Variants in TENM1 observed in about 807,000 individuals in gnomAD.
TENM1 encodes the protein teneurin transmembrane protein 1, also known as teneurin-1.
Under a neutral mutation model 174.8 loss-of-function variants are expected in TENM1, and 35 were observed. The ratio of observed to expected loss-of-function variants is 0.20; its 90% CI spans 0.15 to 0.27. The LOEUF (loss-of-function observed/expected upper bound fraction) is 0.27, where lower values mean the gene tolerates loss of function less well. TENM1 is among the 10% of genes least tolerant of loss of function. The pLI, the probability that TENM1 is intolerant of heterozygous loss-of-function variation, is 1.00. For synonymous variants in TENM1, 781 were observed against 798.7 expected, an observed-to-expected ratio of 0.98 and a Z score of 0.37; for missense variants, 1,633 against 2,130.1, an observed-to-expected ratio of 0.77 and a Z score of 4.59.
At chrX:124,654,233 T>A (rs1270341693) in intron 6 of TENM1, among the ~76,000 whole-genome samples, 2 of 112,731 alleles carry the variant, frequency 1.8e-5, no homozygotes, top group Non-Finnish European at 3.7e-5. Flanking sequence ...CATCTCTAGC[T>A]ATCTCTATCC....
chrX:124,967,453 T>C (rs182065538), upstream of TENM1, among the ~76,000 whole-genome samples: 91 of 111,436 alleles, frequency 8.2e-4, no homozygotes, highest in African/African-American at 2.8e-3. Context: ...TCCAGCCACG[T>C]CTTTTCTTTT....
chrX:124,557,390 T>G (rs1029620344), intron 14 of TENM1, among the ~76,000 whole-genome samples: 7 of 107,167 alleles, frequency 6.5e-5, no homozygotes, highest in Admixed American at 2.0e-4. Flanking sequence ...AAATTTATTG[T>G]TTTTTTTTCC....
At chrX:125,065,809 A>C in the TENM1 span, among the ~76,000 whole-genome samples, 4 of 112,281 alleles carry the variant, frequency 3.6e-5, no homozygotes, top group African/African-American at 1.3e-4. Context: ...CTAAGATTTT[A>C]GTTGACTGTA....
At chrX:124,849,321 C>T (rs2056672710) in intron 3 of TENM1, among the ~76,000 whole-genome samples, 1 of 111,080 alleles carries the variant, frequency 9.0e-6, no homozygotes, top group Admixed American at 9.6e-5. Flanking sequence ...CAATAGAATA[C>T]AGCAAAGGTG....
At chrX:124,941,894 G>A (rs2058332383) in intron 1 of TENM1, among the ~76,000 whole-genome samples, 2 of 111,862 alleles carry the variant, frequency 1.8e-5, no homozygotes, top group Admixed American at 1.9e-4. Flanking sequence ...AAGGCAAAAG[G>A]CATGTCTTAC....
chrX:124,391,063 G>A (rs894336312), intron 28 of TENM1, among the ~76,000 whole-genome samples: 17 of 111,597 alleles, frequency 1.5e-4, no homozygotes, highest in African/African-American at 3.9e-4. Context: ...TAGTAACATG[G>A]TTTGATAATG....
intron 3 of TENM1, among the ~76,000 whole-genome samples, chrX:124,869,956 G>A (rs192019083): frequency 9.0e-6 from 1 of 111,141 alleles, no homozygotes; most frequent in Non-Finnish European, 1.9e-5. Flanking sequence ...AATTCTACAT[G>A]TTAAAATAGC....
intron 3 of TENM1, among the ~76,000 whole-genome samples, chrX:124,887,742 G>T (rs1012066534): frequency 9.0e-6 from 1 of 111,118 alleles, no homozygotes; most frequent in African/African-American, 3.3e-5. Context: ...CATCTCCAAA[G>T]GAGCTGTTAC....
At chrX:124,866,905 A>C (rs1293912343) in intron 3 of TENM1, among the ~76,000 whole-genome samples, 1 of 111,451 alleles carries the variant, frequency 9.0e-6, no homozygotes, top group Non-Finnish European at 1.9e-5. Context: ...GAAGAAATGG[A>C]CAAATTCCTA....
chrX:124,690,467 A>G (rs1480838987), intron 5 of TENM1, among the ~76,000 whole-genome samples: 1 of 105,483 alleles, frequency 9.5e-6, no homozygotes, highest in East Asian at 3.0e-4. Flanking sequence ...TTTAGATTTT[A>G]TAACCTGCTT....
At chrX:124,666,745 T>A (rs181127451) in intron 6 of TENM1, among the ~76,000 whole-genome samples, 5 of 111,613 alleles carry the variant, frequency 4.5e-5, no homozygotes, top group South Asian at 3.8e-4. Flanking sequence ...ATTAGAACTG[T>A]CTGTTTCCCT....
At chrX:124,677,155 A>C (rs2052109752) in intron 5 of TENM1, among the ~76,000 whole-genome samples, 1 of 111,607 alleles carries the variant, frequency 9.0e-6, no homozygotes, top group Admixed American at 9.5e-5. Context: ...TACTTTTTTA[A>C]TATGGCTACT....
chrX:124,452,348 G>A (rs1270881216), intron 23 of TENM1, among the ~76,000 whole-genome samples: 6 of 111,960 alleles, frequency 5.4e-5, no homozygotes, highest in Non-Finnish European at 1.1e-4. Flanking sequence ...TTAGAATGGC[G>A]ATCATTACAA....
the TENM1 span, among the ~76,000 whole-genome samples, chrX:125,087,588 A>G: frequency 9.0e-6 from 1 of 111,081 alleles, no homozygotes; most frequent in South Asian, 3.7e-4. Context: ...AACTAAAATT[A>G]AAAGCAAAGA....
intron 11 of TENM1, among the ~76,000 whole-genome samples, chrX:124,622,651 C>T (rs991510475): frequency 1.8e-5 from 2 of 110,930 alleles, no homozygotes; most frequent in East Asian, 2.8e-4. Context: ...TAATGGTTTA[C>T]CTAATTATTT....
chrX:124,987,426 T>G, the TENM1 span, among the ~76,000 whole-genome samples: 1 of 111,773 alleles, frequency 8.9e-6, no homozygotes, highest in African/African-American at 3.3e-5. Flanking sequence ...AGGGAAATAG[T>G]TATATGTTAT....
At position 124,873,547 on chromosome X, in the gene TENM1, G is replaced by A. The variant is rs745686505; in HGVS notation, c.535+20749C>T. On this transcript the variant is annotated intron_variant, in intron 3 of 31. Coordinates refer to ENST00000422452, the Ensembl canonical transcript of TENM1. ...TTGTTTCATAGTAAGGGTAGATATC[G>A]TCTTATGAAATTTTTGTTTTTGTTC... 9.3e-3 allele frequency among the ~76,000 whole-genome samples: 1,038 copies of A among 111,577 alleles called. 10 individuals carry two copies. Among genetic ancestry groups the A allele is most frequent in the African/African-American group, 0.032 (986 of 30,817 alleles).
intron 22 of TENM1, among the ~76,000 whole-genome samples, chrX:124,464,794 A>G (rs1025455552): frequency 2.7e-5 from 3 of 111,957 alleles, no homozygotes; most frequent in Non-Finnish European, 5.6e-5. Flanking sequence ...AACTTCTTTT[A>G]CTGTTTTTAC....
At chrX:124,540,576 G>A (rs1050601567) in intron 15 of TENM1, among the ~76,000 whole-genome samples, 2 of 111,533 alleles carry the variant, frequency 1.8e-5, no homozygotes, top group African/African-American at 6.5e-5. Flanking sequence ...ATCTCAAATG[G>A]TATACATTCC....
Sources: allele counts gnomAD v4.1 joint callset (sites outside exome capture counted in the v4.1 genomes callset), GRCh38; gene constraint gnomAD v4.1.1; transcripts MANE v1.5; gene names NCBI Gene and HGNC (gene_info 2026-07-23, HGNC 2026-07-21).